FKBP5: variants seen among roughly 807,000 people sequenced by gnomAD.
FKBP5 encodes the protein peptidyl-prolyl cis-trans isomerase FKBP5.
A neutral mutation model predicts 50.5 loss-of-function variants in FKBP5; 23 were observed. The ratio of observed to expected loss-of-function variants is 0.46; its 90% CI spans 0.33 to 0.65. FKBP5 has a LOEUF of 0.65. FKBP5 is among the 30% of genes least tolerant of loss of function. FKBP5 has a pLI of 0.02. For synonymous variants in FKBP5, 176 were observed against 190.6 expected (o/e 0.92, Z 0.63); for missense variants, 411 against 553.1 (o/e 0.74, Z 2.58).
At chr6:35,672,856 A>G (rs1483829755) in intron 1 of FKBP5, among the ~76,000 whole-genome samples, 1 of 151,596 alleles carries the variant, frequency 6.6e-6, no homozygotes. Context: ...CGTGAACCTG[A>G]GAGGCGGAGC....
intron 2 of FKBP5, among the ~76,000 whole-genome samples, chr6:35,696,217 C>T (rs1222113445): frequency 6.9e-6 from 1 of 145,760 alleles, no homozygotes; most frequent in East Asian, 2.1e-4. Flanking sequence ...AAATTAAAGA[C>T]CATCTAAATA....
Position 35,701,392 on chromosome 6 carries a change from C to G in FKBP5, c.-20+18936G>C, listed in dbSNP as rs552350984. 1.8e-3 allele frequency among the ~76,000 whole-genome samples: 278 copies of G among 150,978 alleles called. 2 individuals carry two copies. The highest frequency in any genetic ancestry group is 6.6e-3 in the African/African-American group (270 of 41,184). The stretch of plus-strand genomic sequence containing the variant: ...CCAAGTAGCTGGGACTACAGGCGCC[C>G]GCCACTACACCCGGCTAATTTTTTG... On this transcript the variant is annotated intron_variant, in intron 2 of 11. Coordinates refer to the FKBP5 transcript ENST00000536438.
chr6:35,651,708 T>C (rs1764802828), intron 1 of FKBP5: 1 of 159,358 alleles, frequency 6.3e-6, no homozygotes, highest in Non-Finnish European at 1.4e-5. Context: ...CTCTGAAACT[T>C]TTTGAATTCT....
chr6:35,607,293 T>C (rs952427947), intron 5 of FKBP5, among the ~76,000 whole-genome samples: 8 of 151,866 alleles, frequency 5.3e-5, no homozygotes, highest in Non-Finnish European at 5.9e-5. Context: ...TGCAGTGGTA[T>C]AAATGTGACT....
chr6:35,680,026 A>T (rs1448418576), intron 1 of FKBP5, among the ~76,000 whole-genome samples: 1 of 152,170 alleles, frequency 6.6e-6, no homozygotes. Context: ...TCAATGATTA[A>T]TTTGTTGAAG....
At chr6:35,647,300 A>G (rs1315702056) in intron 1 of FKBP5, among the ~76,000 whole-genome samples, 1 of 152,250 alleles carries the variant, frequency 6.6e-6, no homozygotes, top group Non-Finnish European at 1.5e-5. Context: ...ACCTGAATAC[A>G]GGATTATTCC....
At chr6:35,590,426 G>A (rs1223900756) in intron 7 of FKBP5, among the ~76,000 whole-genome samples, 1 of 152,146 alleles carries the variant, frequency 6.6e-6, no homozygotes, top group African/African-American at 2.4e-5. Context: ...GCACGTGGCC[G>A]AAGACAACAG....
At chr6:35,613,430 G>A (rs745607217) in intron 5 of FKBP5, among the ~76,000 whole-genome samples, 11 of 152,140 alleles carry the variant, frequency 7.2e-5, no homozygotes, top group Admixed American at 1.3e-4. Context: ...TGGCCAGACT[G>A]GTCTCAAATT....
intron 1 of FKBP5, among the ~76,000 whole-genome samples, chr6:35,728,139 C>A (rs1766759448): frequency 6.6e-6 from 1 of 152,188 alleles, no homozygotes; most frequent in Non-Finnish European, 1.5e-5. Context: ...AGCGGGCGGG[C>A]GGGCGGGCGA....
intron 6 of FKBP5, among the ~76,000 whole-genome samples, chr6:35,594,773 A>G (rs978574059): frequency 6.6e-6 from 1 of 152,212 alleles, no homozygotes; most frequent in African/African-American, 2.4e-5. Context: ...TGCACTTCAC[A>G]TAATTCTCCA....
intron 5 of FKBP5, chr6:35,607,695 C>T (rs767603882): frequency 2.2e-4 from 35 of 158,034 alleles, no homozygotes; most frequent in Admixed American, 4.6e-4. Flanking sequence ...AACATGAGGA[C>T]GCCCAGGCAC....
chr6:35,640,681 T>C (rs1764460487), intron 2 of FKBP5, among the ~76,000 whole-genome samples: 1 of 152,242 alleles, frequency 6.6e-6, no homozygotes, highest in African/African-American at 2.4e-5. Flanking sequence ...ACAAACACTG[T>C]ACAGCTGTAC....
chr6:35,661,439 A>G lies in FKBP5; in HGVS notation c.-19-18596T>C, dbSNP rs1183398216. On this transcript the variant is annotated intron_variant, in intron 1 of 10. Coordinates refer to ENST00000357266, the MANE Select transcript of FKBP5 (RefSeq NM_004117.4). ...ATTAATACTATATAACACTGCTATG[A>G]ACATTTTTGTGCCTAAGCTTTTATC... Among the ~76,000 whole-genome samples the G allele has an allele frequency of 2.4e-5, 2 of 84,338 alleles. 1 individual carries two copies. The highest frequency in any genetic ancestry group is 7.3e-5 in the African/African-American group (2 of 27,282). The allele number at this position is 84,338 out of a possible 152,430, so 55.3% of individuals were successfully genotyped here.
At chr6:35,581,453 G>T in intron 8 of FKBP5, 1 of 321,550 alleles carries the variant, frequency 3.1e-6, no homozygotes, top group Non-Finnish European at 4.5e-6. Context: ...AGCCAGGCAT[G>T]GTGGCATATG....
chr6:35,681,257 G>C (rs1765654265), intron 1 of FKBP5, among the ~76,000 whole-genome samples: 1 of 152,148 alleles, frequency 6.6e-6, no homozygotes, highest in Non-Finnish European at 1.5e-5. Context: ...GGCAAAACTG[G>C]ATAAAGGTAT....
At chr6:35,668,091 G>A (rs989873777) in intron 1 of FKBP5, among the ~76,000 whole-genome samples, 2 of 152,168 alleles carry the variant, frequency 1.3e-5, no homozygotes, top group African/African-American at 2.4e-5. Context: ...TTTCTACAAC[G>A]AGTGTGTAAC....
chr6:35,603,572 A>G lies in FKBP5; in HGVS notation c.509-6168T>C, dbSNP rs143259831. Among the ~76,000 whole-genome samples, 13 of 152,188 alleles carry G rather than the reference A, an allele frequency of 8.5e-5. No individual in the cohort carries two copies. In the East Asian group the frequency reaches 2.3e-3, roughly 27 times the overall value. On this transcript the variant is annotated intron_variant, in intron 5 of 10. Coordinates refer to ENST00000357266, the MANE Select transcript of FKBP5 (RefSeq NM_004117.4). ...TAATAAATTCTAGGAAGCTATACAA[A>G]TTTTATATTGATATGGAAACTTTGT...
chr6:35,635,285 C>T (rs1764277747), intron 3 of FKBP5, among the ~76,000 whole-genome samples: 2 of 151,836 alleles, frequency 1.3e-5, no homozygotes. Context: ...TGCAGTGGGC[C>T]GAGATGGTGC....
intron 1 of FKBP5, among the ~76,000 whole-genome samples, chr6:35,688,126 A>G (rs780919819): frequency 3.0e-4 from 45 of 152,232 alleles, no homozygotes; most frequent in Non-Finnish European, 6.0e-4. Flanking sequence ...CTCCTCCACA[A>G]GCGGCCGACA....
Sources: allele counts gnomAD v4.1 joint callset (sites outside exome capture counted in the v4.1 genomes callset), GRCh38; gene constraint gnomAD v4.1.1; transcripts MANE v1.5; gene names NCBI Gene and HGNC (gene_info 2026-07-23, HGNC 2026-07-21).